Variants in SETBP1 observed in about 807,000 individuals in gnomAD.
The protein encoded by SETBP1 is SET binding protein 1, also known as SET-binding protein.
SETBP1 carries 9 observed loss-of-function variants against 101.0 expected under a neutral mutation model. The ratio of observed to expected loss-of-function variants is 0.09; its 90% CI spans 0.05 to 0.16. The LOEUF is 0.16. SETBP1 is among the 10% of genes least tolerant of loss of function. The pLI, the probability that SETBP1 is intolerant of heterozygous loss-of-function variation, is 1.00. For missense variants in SETBP1, 1,858 were observed against 2,033.8 expected, an observed-to-expected ratio of 0.91 and a Z score of 1.66; for synonymous variants, 818 against 788.5, an observed-to-expected ratio of 1.04 and a Z score of -0.63.
rs150509004 is a variant in SETBP1 at position 44,952,955 on chromosome 18, G to C, written c.3615G>C (p.Lys1205Asn). The change falls in exon 4 of 6, where the codon AAG becomes AAC. Residue 1205 changes from lysine (K) to asparagine (N), a missense_variant. Lys to Asn is a moderately conservative substitution (Grantham distance 94). This residue lies in a region of SETBP1 where 417 missense variants were observed against 389.1 expected (regional missense o/e 1.07). Transcript: ENST00000649279. ...TCCCGCTGGTGAGTGAGAAGAACAA[G>C]CATAAGGAGAAACAGAAGCACCAGC... ...KELPLVSEKN[K>N]HKEKQKHQHS... The C allele has an allele frequency of 3.1e-6, 5 of 1,614,144 alleles. No individual in the cohort carries two copies. Among genetic ancestry groups the C allele is most frequent in the African/African-American group, 1.3e-5 (1 of 75,038 alleles).
At chr18:44,972,194 G>A (rs1209888562) in intron 4 of SETBP1, among the ~76,000 whole-genome samples, 1 of 152,096 alleles carries the variant, frequency 6.6e-6, no homozygotes. Context: ...GTAGATATGT[G>A]GCATTATTTC....
chr18:44,951,550 C>T lies in SETBP1; in HGVS notation c.2210C>T (p.Pro737Leu), dbSNP rs753974276. 3.1e-6 allele frequency: 5 copies of T among 1,614,096 alleles called. No homozygotes were observed. The highest frequency in any genetic ancestry group is 4.2e-6 in the Non-Finnish European group (5 of 1,180,024). ...AGGAAGCCAAGAGCAGAGCTGCCAC[C>T]CCCATCCGAAGAACCCAAAACAGCC... ...RGRKPRAELP[P>L]PSEEPKTAIK... Residue 737 changes from proline (P) to leucine (L), a missense_variant, in exon 4 of 6, where the codon CCC becomes CTC. By Grantham distance (98) the Pro-to-Leu change is moderately conservative. Coordinates refer to ENST00000649279, the MANE Select transcript of SETBP1 (RefSeq NM_015559.3). The surrounding 1 kb of genome is among the most constrained non-coding windows in gnomAD (Gnocchi z 7.8).
chr18:44,707,679 C>A (rs1308470920), intron 2 of SETBP1, among the ~76,000 whole-genome samples: 1 of 152,194 alleles, frequency 6.6e-6, no homozygotes, highest in Non-Finnish European at 1.5e-5. Flanking sequence ...AGCAAACACA[C>A]AAAGTATGGA....
intron 2 of SETBP1, among the ~76,000 whole-genome samples, chr18:44,706,314 A>T (rs2069216339): frequency 6.6e-6 from 1 of 152,062 alleles, no homozygotes; most frequent in Non-Finnish European, 1.5e-5. Flanking sequence ...TGCTGGGCAC[A>T]GTGGCTCCTG....
intron 4 of SETBP1, among the ~76,000 whole-genome samples, chr18:44,965,284 A>AACACACACACGCACACAAACAC (rs2071696204): frequency 2.7e-5 from 4 of 147,026 alleles, no homozygotes; most frequent in Admixed American, 1.4e-4. Flanking sequence ...CATGCACACA[A>AACACACACACGCACACAAACAC]ACACACACAC....
intron 2 of SETBP1, among the ~76,000 whole-genome samples, chr18:44,808,655 C>A (rs1599156810): frequency 6.6e-6 from 1 of 152,158 alleles, no homozygotes; most frequent in East Asian, 1.9e-4. Context: ...GAGGAACCAG[C>A]AGGAAGTGCA....
chr18:44,681,719 T>C lies in SETBP1; in HGVS notation c.-173+698T>C, dbSNP rs187535571. ...TTGCCCCCTAATGCTGCATTTATTC[T>C]TTATGTGTGTCTGTGTTGGATTCTC... On this transcript the variant is annotated intron_variant, in intron 1 of 5. Transcript: ENST00000649279. Among the ~76,000 whole-genome samples the C allele has an allele frequency of 1.0e-3, 154 of 152,262 alleles. 1 individual carries two copies. Among genetic ancestry groups the C allele is most frequent in the African/African-American group, 3.5e-3 (144 of 41,544 alleles).
chr18:44,830,027 C>T (rs1463304102), intron 2 of SETBP1, among the ~76,000 whole-genome samples: 1 of 152,152 alleles, frequency 6.6e-6, no homozygotes, highest in Non-Finnish European at 1.5e-5. Flanking sequence ...ATGGTTTACA[C>T]AGAGGCACTC....
At chr18:44,758,876 A>C (rs1266071909) in intron 2 of SETBP1, among the ~76,000 whole-genome samples, 1 of 152,334 alleles carries the variant, frequency 6.6e-6, no homozygotes, top group Admixed American at 6.5e-5. Flanking sequence ...ACTTGGATTA[A>C]GGAGCATTTC....
chr18:44,945,528 A>G (rs2093893136), intron 3 of SETBP1, among the ~76,000 whole-genome samples: 1 of 150,800 alleles, frequency 6.6e-6, no homozygotes, highest in Non-Finnish European at 1.5e-5. Context: ...CACACCTTTT[A>G]AACTGCCATG....
intron 2 of SETBP1, among the ~76,000 whole-genome samples, chr18:44,746,746 A>G (rs563510646): frequency 6.6e-6 from 1 of 152,340 alleles, no homozygotes; most frequent in Non-Finnish European, 1.5e-5. Flanking sequence ...GGGAGTGGCA[A>G]TTAATATCAT....
chr18:44,847,491 G>A (rs2072747889), intron 2 of SETBP1, among the ~76,000 whole-genome samples: 1 of 152,222 alleles, frequency 6.6e-6, no homozygotes, highest in Non-Finnish European at 1.5e-5. Context: ...AAACTTGGCA[G>A]TTGTGTGAGG....
chr18:45,025,174 G>A (rs1439087223), intron 4 of SETBP1, among the ~76,000 whole-genome samples: 1 of 152,206 alleles, frequency 6.6e-6, no homozygotes, highest in Non-Finnish European at 1.5e-5. Context: ...GATGCTTAAA[G>A]GGAGGTGATG....
intron 2 of SETBP1, among the ~76,000 whole-genome samples, chr18:44,737,763 A>G (rs1251447195): frequency 6.6e-6 from 1 of 152,228 alleles, no homozygotes; most frequent in Non-Finnish European, 1.5e-5. Context: ...AAGTTCCAGA[A>G]CAGGGATTCT....
At chr18:44,803,781 T>G (rs1359966694) in intron 2 of SETBP1, among the ~76,000 whole-genome samples, 2 of 152,178 alleles carry the variant, frequency 1.3e-5, no homozygotes, top group African/African-American at 4.8e-5. Flanking sequence ...TTTCACTTTA[T>G]CCACCTCTAA....
intron 2 of SETBP1, among the ~76,000 whole-genome samples, chr18:44,703,518 C>G (rs2069159147): frequency 6.6e-6 from 1 of 151,684 alleles, no homozygotes; most frequent in Admixed American, 6.6e-5. Context: ...ATCCAAAGAA[C>G]TGGCTAGAAG....
intron 2 of SETBP1, among the ~76,000 whole-genome samples, chr18:44,703,725 C>T (rs1292056012): frequency 6.6e-6 from 1 of 152,114 alleles, no homozygotes; most frequent in Non-Finnish European, 1.5e-5. Flanking sequence ...GTTGTGCTCT[C>T]TCCTCCCCCA....
chr18:44,754,769 C>G (rs1442386113), intron 2 of SETBP1, among the ~76,000 whole-genome samples: 2 of 152,230 alleles, frequency 1.3e-5, no homozygotes, highest in South Asian at 2.1e-4. Flanking sequence ...GGCTCTCTGT[C>G]TACTGGACTT....
intron 3 of SETBP1, among the ~76,000 whole-genome samples, chr18:44,930,828 T>C (rs2070815306): frequency 1.3e-5 from 2 of 152,134 alleles, no homozygotes; most frequent in Non-Finnish European, 1.5e-5. Flanking sequence ...CTTCTCTCTT[T>C]TCTTCTTTAT....
Sources: allele counts gnomAD v4.1 joint callset (sites outside exome capture counted in the v4.1 genomes callset), GRCh38; gene constraint gnomAD v4.1.1; regional missense constraint gnomAD v4.1.1; non-coding constraint Gnocchi (gnomAD v3.1); transcripts MANE v1.5; gene names NCBI Gene and HGNC (gene_info 2026-07-23, HGNC 2026-07-21).